COL25A1: variants seen among roughly 807,000 people sequenced by gnomAD.
COL25A1 encodes the protein collagen alpha-1(XXV) chain.
COL25A1 carries 103 observed loss-of-function variants against 128.4 expected under a neutral mutation model. The ratio of observed to expected loss-of-function variants is 0.80; its 90% CI spans 0.68 to 0.94. COL25A1 has a LOEUF of 0.94. Among genes scored for constraint, COL25A1 ranks in the 40% least tolerant of loss-of-function variants. The pLI, the probability that COL25A1 is intolerant of heterozygous loss-of-function variation, is 0.00. For missense variants in COL25A1, 745 were observed against 840.0 expected, an observed-to-expected ratio of 0.89 and a Z score of 1.40; for synonymous variants, 279 against 277.2, an observed-to-expected ratio of 1.01 and a Z score of -0.06.
chr4:109,170,211 G>A (rs1420408972), intron 3 of COL25A1, among the ~76,000 whole-genome samples: 1 of 152,054 alleles, frequency 6.6e-6, no homozygotes, highest in South Asian at 2.1e-4. Context: ...ATTTACTAAG[G>A]AGAAGAGATA....
intron 8 of COL25A1, among the ~76,000 whole-genome samples, chr4:108,949,940 A>G (rs1257757132): frequency 1.3e-5 from 2 of 152,186 alleles, no homozygotes; most frequent in Non-Finnish European, 2.9e-5. Flanking sequence ...CAATATTTGG[A>G]CATTGGGATT....
intron 18 of COL25A1, among the ~76,000 whole-genome samples, chr4:108,885,614 T>C (rs1262606024): frequency 6.6e-6 from 1 of 152,204 alleles, no homozygotes; most frequent in Non-Finnish European, 1.5e-5. Context: ...CTTTCTCTTT[T>C]ACCTTTCAAT....
chr4:109,145,661 G>A (rs1770870354), intron 3 of COL25A1, among the ~76,000 whole-genome samples: 1 of 151,986 alleles, frequency 6.6e-6, no homozygotes, highest in Non-Finnish European at 1.5e-5. Context: ...AAAACATGGT[G>A]AAACCCCATC....
intron 3 of COL25A1, among the ~76,000 whole-genome samples, chr4:109,266,665 A>G (rs1781821699): frequency 6.6e-6 from 1 of 152,184 alleles, no homozygotes; most frequent in Non-Finnish European, 1.5e-5. Flanking sequence ...AAAAAAAAAA[A>G]AGTATTCATT....
At position 108,996,288 on chromosome 4, in the gene COL25A1, G is replaced by GAAA. The variant is rs1560994249; in HGVS notation, c.438+14069_438+14070insTTT. ...TGGAGGAAGATCTACCAAGCAAATG[G>GAAA]GAAAAAAAAAAAAAAAAAAAAAGGA... is the stretch of plus-strand genomic sequence containing the variant. On this transcript the variant is annotated intron_variant, in intron 6 of 37. Transcript: ENST00000399132. Among the ~76,000 whole-genome samples, 3 of 118,974 alleles carry GAAA rather than the reference G, an allele frequency of 2.5e-5. 1 individual carries two copies. The allele number at this position is 118,974 out of a possible 152,430, so 78.1% of individuals were successfully genotyped here. A position where few individuals can be genotyped will look rare whatever the true frequency, so the allele number is the denominator to read the frequency against.
intron 19 of COL25A1, among the ~76,000 whole-genome samples, chr4:108,880,608 T>C (rs994013756): frequency 2.0e-5 from 3 of 152,218 alleles, no homozygotes; most frequent in African/African-American, 7.2e-5. Flanking sequence ...TTACATGTAT[T>C]AGTGCATTTA....
chr4:108,945,292 C>A lies in COL25A1; in HGVS notation c.493-3855G>T, dbSNP rs1369778520. ...AATCCCATTTCACAGGGGCTGCCTCCAGATCCTAGGTAGACACTGACTCTG... is the reference window on the plus strand; with the variant it reads ...AATCCCATTTCACAGGGGCTGCCTCAAGATCCTAGGTAGACACTGACTCTG... On this transcript the variant is annotated intron_variant, in intron 8 of 37. Transcript: ENST00000399132. Among the ~76,000 whole-genome samples, 6 of 152,266 alleles carry A rather than the reference C, an allele frequency of 3.9e-5. No homozygotes were observed. The East Asian group carries it at 9.7e-4, about 25-fold the overall frequency.
At chr4:109,086,855 A>G (rs1415113532) in intron 3 of COL25A1, among the ~76,000 whole-genome samples, 1 of 152,216 alleles carries the variant, frequency 6.6e-6, no homozygotes, top group Non-Finnish European at 1.5e-5. Context: ...AGTTAGTTGA[A>G]TATCACATGC....
intron 36 of COL25A1, 79 bp from the exon 37 acceptor site, chr4:108,817,514 T>A: frequency 7.4e-7 from 1 of 1,356,078 alleles, no homozygotes; most frequent in Non-Finnish European, 1.0e-6. Flanking sequence ...CTCAGAGGCT[T>A]AAAAATAAAT....
intron 8 of COL25A1, among the ~76,000 whole-genome samples, chr4:108,966,125 C>G (rs186731354): frequency 1.2e-4 from 18 of 152,218 alleles, no homozygotes; most frequent in Non-Finnish European, 2.2e-4. Flanking sequence ...CAACATTGCC[C>G]TGCCTCTCTT....
rs373352442 is a variant in COL25A1 at position 109,113,678 on chromosome 4, T to C, written c.368-63499A>G. 1.3e-4 allele frequency among the ~76,000 whole-genome samples: 20 copies of C among 152,206 alleles called. No individual in the cohort carries two copies. The East Asian group carries it at 2.5e-3, about 19-fold the overall frequency. ...CTAACCATTCTATGAATCACTCCAG[T>C]GATGCTATTTCCATAAAAGAGACTG... On this transcript the variant is annotated intron_variant, in intron 3 of 37. Transcript: ENST00000399132.
At position 109,150,020 on chromosome 4, in the gene COL25A1, CTGTG is replaced by C. The variant is rs1045501434; in HGVS notation, c.368-99845_368-99842del. Among the ~76,000 whole-genome samples the C allele has an allele frequency of 5.4e-5, 8 of 147,264 alleles. No homozygotes were observed. The South Asian group carries it at 8.6e-4, about 16-fold the overall frequency. On this transcript the variant is annotated intron_variant, in intron 3 of 37. Coordinates refer to ENST00000399132, the MANE Select transcript of COL25A1 (RefSeq NM_198721.4). ...TGTGGGTGTGTGTGTGTGTATGTAT[CTGTG>C]TGTATGTGTATGTATGTGTGTATGT...
chr4:109,248,162 G>A (rs936762217), intron 3 of COL25A1, among the ~76,000 whole-genome samples: 4 of 151,812 alleles, frequency 2.6e-5, no homozygotes, highest in Non-Finnish European at 4.4e-5. Context: ...GTATTGCTAC[G>A]ATTATAACTA....
intron 3 of COL25A1, among the ~76,000 whole-genome samples, chr4:109,129,784 T>C (rs1170651519): frequency 6.6e-6 from 1 of 152,142 alleles, no homozygotes; most frequent in Non-Finnish European, 1.5e-5. Flanking sequence ...ACTAAGAAGT[T>C]ATAGATTGTA....
At chr4:109,088,381 TTTG>T (rs1381443420) in intron 3 of COL25A1, among the ~76,000 whole-genome samples, 3 of 152,186 alleles carry the variant, frequency 2.0e-5, no homozygotes, top group Non-Finnish European at 4.4e-5. Flanking sequence ...TCTGAGATCT[TTTG>T]TTTTGTTTTC....
Position 108,940,593 on chromosome 4 carries a change from T to C in COL25A1, c.618A>G (p.Arg206=), listed in dbSNP as rs748846125. ...CTTTCCCTGTGTCCCCAGGTGGCCC[T>C]CTTGGGCCTGGAGGGCCAGGGGGTC... is the stretch of plus-strand genomic sequence containing the variant. ...PPGPPGPPGP[R]GPPGDTGKDG... is the part of the protein sequence containing the mutation. Residue 206 remains arginine, a synonymous_variant, in exon 10 of 38, where the codon AGA becomes AGG. Coordinates refer to ENST00000399132, the MANE Select transcript of COL25A1 (RefSeq NM_198721.4). 1.2e-6 allele frequency: 2 copies of C among 1,612,714 alleles called. No homozygotes were observed. The highest frequency in any genetic ancestry group is 1.7e-6 in the Non-Finnish European group (2 of 1,179,240).
chr4:109,278,050 G>C (rs146637167), intron 3 of COL25A1, among the ~76,000 whole-genome samples: 1 of 151,716 alleles, frequency 6.6e-6, no homozygotes, highest in Non-Finnish European at 1.5e-5. Flanking sequence ...CAGAAGAATC[G>C]CTTGAACCCA....
chr4:109,237,035 T>G (rs921982665), intron 3 of COL25A1, among the ~76,000 whole-genome samples: 1 of 152,062 alleles, frequency 6.6e-6, no homozygotes, highest in African/African-American at 2.4e-5. Context: ...AAAATCTGAT[T>G]TTTAAAAATT....
At chr4:109,054,351 A>C (rs1156730592) in intron 3 of COL25A1, among the ~76,000 whole-genome samples, 3 of 152,196 alleles carry the variant, frequency 2.0e-5, no homozygotes, top group African/African-American at 7.2e-5. Context: ...TTAATCTGCT[A>C]TCTGGTAAAT....
Sources: gnomAD v4.1 joint callset for allele counts (sites outside exome capture counted in the v4.1 genomes callset) on GRCh38, gnomAD v4.1.1 for gene constraint, MANE v1.5 for transcripts, NCBI Gene and HGNC (gene_info 2026-07-23, HGNC 2026-07-21) for gene names.